Variants in CLUH observed in about 807,000 individuals in gnomAD.
The protein encoded by CLUH is clustered mitochondria protein homolog.
Under a neutral mutation model 139.3 loss-of-function variants are expected in CLUH, and 77 were observed. That is an observed-to-expected ratio of 0.55 (90% confidence interval 0.46 to 0.67). CLUH has a LOEUF of 0.67. CLUH is among the 30% of genes least tolerant of loss of function. The probability of loss-of-function intolerance (pLI) is 0.00; values close to 1 mark genes in which losing one functional copy is unlikely to be tolerated. For missense variants in CLUH, 1,876 were observed against 1,875.8 expected (o/e 1.00, Z 0.00); for synonymous variants, 999 against 801.6 (o/e 1.25, Z -4.16).
chr17:2,691,542 C>A, intron 25 of CLUH, 67 bp downstream of exon 25: 1 of 1,503,434 alleles, frequency 6.7e-7, no homozygotes, highest in Non-Finnish European at 9.1e-7. Flanking sequence ...GCCCGGGTGA[C>A]AGGGCGAGAC....
At position 2,703,365 on chromosome 17, in the gene CLUH, C is replaced by A. The variant is rs550332953; in HGVS notation, c.428G>T (p.Arg143Leu). 1.2e-6 allele frequency: 2 copies of A among 1,613,172 alleles called. No individual in the cohort carries two copies. The highest frequency in any genetic ancestry group is 2.7e-5 in the African/African-American group (2 of 75,038). ...GNVLDHFSEL[R>L]SVEGLQEGSV... ...GCCCTCCTGCAGCCCCTCGACGCTG[C>A]GCAGCTCCGAGAAGTGGTCCAGCAC... The change falls in exon 3 of 26, where the codon CGC (arginine) becomes CTC (leucine). Residue 143 changes from arginine (R) to leucine (L), a missense_variant. Coordinates refer to ENST00000651024, the MANE Select transcript of CLUH (RefSeq NM_001366661.1). The surrounding 1 kb of genome is among the most constrained non-coding windows in gnomAD (Gnocchi z 4.2).
At chr17:2,695,333 T>C (rs1003398) in intron 14 of CLUH, 41 bp downstream of exon 14, 1,607,891 of 1,613,484 alleles carry the variant, frequency 1, 801,324 homozygotes, top group East Asian at 1. Context: ...TCCATCCCAG[T>C]CCCACAGCTC....
At chr17:2,697,061 G>A (rs554052447) in intron 10 of CLUH, 119 bp from the exon 11 acceptor site, 73 of 750,540 alleles carry the variant, frequency 9.7e-5, no homozygotes, top group South Asian at 1.3e-4. Flanking sequence ...CCTCCTGGCC[G>A]GTGTGCATGA....
rs752429645 is a variant in CLUH, at chr17:2,696,523, C to G, written c.2201G>C (p.Arg734Pro). 8.3e-6 allele frequency: 13 copies of G among 1,575,182 alleles called. No individual in the cohort carries two copies. Among genetic ancestry groups the G allele is most frequent in the East Asian group, 2.3e-5 (1 of 42,668 alleles). The change falls in exon 12 of 26, where the codon CGG becomes CCG. Residue 734 changes from arginine to proline, a missense_variant. Coordinates refer to ENST00000651024, the MANE Select transcript of CLUH (RefSeq NM_001366661.1). ...CTTGCACGCGTTGCGGATCACCTCC[C>G]GGCTCCGAGGGTCTGCTGTGGAGAC... Reference protein sequence around the residue: ...ADDGTADPRSREVIRNACKAV... With the variant: ...ADDGTADPRSPEVIRNACKAV...
Position 2,700,390 on chromosome 17 carries a change from T to C in CLUH, c.1258A>G (p.Ile420Val), listed in dbSNP as rs776547933. The C allele has an allele frequency of 6.8e-6, 11 of 1,612,678 alleles. No individual in the cohort carries two copies. The highest frequency in any genetic ancestry group is 1.3e-5 in the African/African-American group (1 of 74,872). ...LPERLLRERA[I>V]FKVHSDFTAA... ...GCAGAGGCTGCAGGCACCTTGAATA[T>C]GGCCCTTTCTCGGAGCAGCCGCTCA... The change falls in exon 9 of 26, where the codon ATA becomes GTA. Residue 420 changes from isoleucine to valine, a missense_variant. Physicochemically the swap from Ile to Val is conservative, Grantham distance 29. Transcript: ENST00000651024.
At chr17:2,695,905 C>G (rs1376937450) in intron 13 of CLUH, 1 of 585,520 alleles carries the variant, frequency 1.7e-6, no homozygotes, top group African/African-American at 1.9e-5. Context: ...CTGGCCCCGT[C>G]CCCCAGCCAT....
rs1555529513 is a variant in CLUH, at chr17:2,691,980, C to A, written c.3654+24G>T. 6.1e-6 allele frequency: 4 copies of A among 657,436 alleles called. 1 individual carries two copies. Among genetic ancestry groups the A allele is most frequent in the South Asian group, 6.3e-5 (2 of 31,640 alleles). 40.7% of individuals were successfully genotyped at this position (657,436 alleles called of 1,614,324 possible). A position where few individuals can be genotyped will look rare whatever the true frequency, so the allele number is the denominator to read the frequency against. On this transcript the variant is annotated intron_variant, in intron 23 of 25. Transcript: ENST00000651024. The stretch of plus-strand genomic sequence containing the variant: ...CGCCACGCCCCCGCCCCGCCCCCGC[C>A]CCCGCCACGCCCCCGCCGCGCACCT...
At chr17:2,697,851 C>T (rs1345499699) in intron 10 of CLUH, 45 bp downstream of exon 10, 2 of 1,440,048 alleles carry the variant, frequency 1.4e-6, no homozygotes. Flanking sequence ...CGCCCGCACT[C>T]CCTGCAGCTG....
rs886896233 is a variant in CLUH, at chr17:2,698,153, G to A, written c.1704C>T (p.Ile568=). 1.3e-6 allele frequency: 2 copies of A among 1,580,212 alleles called. No individual in the cohort carries two copies. The highest frequency in any genetic ancestry group is 1.7e-6 in the Non-Finnish European group (2 of 1,164,288). Reference sequence around the variant, plus strand: ...GGTCGTTGAGCACCTGGTGCCGCAGGATCTTGAGGGGCCGACTCGTGCGCT... The same window carrying A: ...GGTCGTTGAGCACCTGGTGCCGCAGAATCTTGAGGGGCCGACTCGTGCGCT... The part of the protein sequence containing the change: ...LLERTSRPLK[I]LRHQVLNDRD... The change falls in exon 10 of 26, where the codon ATC becomes ATT. Residue 568 remains isoleucine (I), a synonymous_variant. Coordinates refer to ENST00000651024, the MANE Select transcript of CLUH (RefSeq NM_001366661.1).
rs772118078 is a variant in CLUH at position 2,692,554 on chromosome 17, C to G, written c.3438+17G>C. 34 of 1,606,040 alleles carry G rather than the reference C, an allele frequency of 2.1e-5. No individual in the cohort carries two copies. The East Asian group carries it at 5.4e-4, about 25-fold the overall frequency. On this transcript the variant is annotated intron_variant, in intron 21 of 25. Transcript: ENST00000651024. ...GATGGAGCTGGGTCCCTGCCGCCCC[C>G]CCGCCCCAGCACTCACGTCCAGCAG...
chr17:2,710,023 A>T (rs77830765), intron 1 of CLUH, among the ~76,000 whole-genome samples: 1 of 149,202 alleles, frequency 6.7e-6, no homozygotes, highest in East Asian at 2.0e-4. Context: ...ATCCTCCAAC[A>T]GACGCTCGTC....
At position 2,700,978 on chromosome 17, in the gene CLUH, G is replaced by A. The variant is rs535723926; in HGVS notation, c.1026-153C>T. On this transcript the variant is annotated intron_variant, in intron 7 of 25. Transcript: ENST00000651024. Reference sequence around the variant, plus strand: ...GGAAGTGCACGGGCGCCTCTCCTGCGGCTGCTGTCTCGGCACTGGCCGACA... The same window carrying A: ...GGAAGTGCACGGGCGCCTCTCCTGCAGCTGCTGTCTCGGCACTGGCCGACA... 439 of 1,435,120 alleles carry A rather than the reference G, an allele frequency of 3.1e-4. 6 individuals are homozygous for A. In the South Asian group the frequency reaches 4.9e-3, roughly 16 times the overall value. The allele number at this position is 1,435,120 out of a possible 1,614,324, so 88.9% of individuals were successfully genotyped here. A position where few individuals can be genotyped will look rare whatever the true frequency, so the allele number is the denominator to read the frequency against.
chr17:2,700,094 TCA>T lies in CLUH; in HGVS notation c.1266+286_1266+287del, dbSNP rs199637789. Among the ~76,000 whole-genome samples, 56 of 152,346 alleles carry T rather than the reference TCA, an allele frequency of 3.7e-4. No homozygotes were observed. The East Asian group carries it at 9.8e-3, about 27-fold the overall frequency. On this transcript the variant is annotated intron_variant, in intron 9 of 25. Coordinates refer to ENST00000651024, the MANE Select transcript of CLUH (RefSeq NM_001366661.1). ...CGCCCAGGCAAAAGCCCCGCAGCAG[TCA>T]CAGAGGGCGGGAAGCTGCACGGCCC...
Position 2,701,397 on chromosome 17 carries a change from T to C in CLUH, c.868A>G (p.Thr290Ala). 6.2e-7 allele frequency: 1 copy of C among 1,610,332 alleles called. No individual in the cohort carries two copies. The highest frequency in any genetic ancestry group is 8.5e-7 in the Non-Finnish European group (1 of 1,178,550). Reference sequence around the variant, plus strand: ...AGGTAAAAGCCCCGTGTGGACGCGGTGATGCTGACTTGCCGGTCCTCGGCT... The same window carrying C: ...AGGTAAAAGCCCCGTGTGGACGCGGCGATGCTGACTTGCCGGTCCTCGGCT... The part of the protein sequence containing the change: ...ITAEDRQVSI[T>A]ASTRGFYLNQ... Residue 290 changes from threonine to alanine, a missense_variant, in exon 6 of 26, where the codon ACC becomes GCC. Transcript: ENST00000651024.
chr17:2,707,309 A>G lies in CLUH; in HGVS notation c.101-2745T>C, dbSNP rs1025825348. ...CAGCCTCTGCCGCTACCCTTGCCCT[A>G]ATGCAGCCAGTCGGCCCGGGGCTGG... On this transcript the variant is annotated intron_variant, in intron 1 of 25. Coordinates refer to ENST00000651024, the MANE Select transcript of CLUH (RefSeq NM_001366661.1). This position sits in a 1 kb window ranked among gnomAD's most constrained non-coding sequence, Gnocchi z 7.4. The G allele has an allele frequency of 7.1e-6, 7 of 985,296 alleles. No homozygotes were observed. The highest frequency in any genetic ancestry group is 7.2e-6 in the Non-Finnish European group (6 of 829,868). 61.0% of individuals were successfully genotyped at this position (985,296 alleles called of 1,614,324 possible). A position where few individuals can be genotyped will look rare whatever the true frequency, so the allele number is the denominator to read the frequency against.
rs1213289519 is a variant in CLUH, at chr17:2,692,873, A to AGTG, written c.3232-16_3232-14dup. On this transcript the variant is annotated splice_polypyrimidine_tract_variant and intron_variant, in intron 19 of 25. Transcript: ENST00000651024. The stretch of plus-strand genomic sequence containing the variant: ...GGTTACTCAGGGCCTGGGGAGAGAC[A>AGTG]GTGGTGGTTGCCGCGGCGTGGGAAC... 2.4e-5 allele frequency: 38 copies of AGTG among 1,571,412 alleles called. No homozygotes were observed. Among genetic ancestry groups the AGTG allele is most frequent in the Non-Finnish European group, 3.2e-5 (37 of 1,156,350 alleles).
chr17:2,696,138 G>A (rs2151702574), intron 13 of CLUH, 21 bp downstream of exon 13: 2 of 1,509,634 alleles, frequency 1.3e-6, no homozygotes, highest in East Asian at 4.9e-5. Flanking sequence ...GCCCCACCCA[G>A]CCCCGCAGCC....
Position 2,691,997 on chromosome 17 carries a change from C to A in CLUH, c.3654+7G>T. Reference sequence around the variant, plus strand: ...GCCCCCGCCCCCGCCACGCCCCCGCCGCGCACCTGCGTCTTGTAGATGGTG... The same window carrying A: ...GCCCCCGCCCCCGCCACGCCCCCGCAGCGCACCTGCGTCTTGTAGATGGTG... On this transcript the variant is annotated splice_region_variant and intron_variant, in intron 23 of 25. Coordinates refer to ENST00000651024, the MANE Select transcript of CLUH (RefSeq NM_001366661.1). The A allele has an allele frequency of 1.5e-6, 2 of 1,329,174 alleles. No homozygotes were observed. The highest frequency in any genetic ancestry group is 2.0e-6 in the Non-Finnish European group (2 of 1,007,914). 82.3% of individuals were successfully genotyped at this position (1,329,174 alleles called of 1,614,324 possible).
In CLUH at chr17:2,701,539, C is replaced by T. The variant is rs780060131; in HGVS notation, c.745-19G>A. On this transcript the variant is annotated intron_variant, in intron 5 of 25. Coordinates refer to ENST00000651024, the MANE Select transcript of CLUH (RefSeq NM_001366661.1). ...GCAAGGGCTTCGGGAGCGGCCGAGT[C>T]TGAGGGGCCAGGCCTCTGGTGTGGG... is the stretch of plus-strand genomic sequence containing the variant. 15 of 1,613,432 alleles carry T rather than the reference C, an allele frequency of 9.3e-6. No individual in the cohort carries two copies. The highest frequency in any genetic ancestry group is 5.0e-5 in the Admixed American group (3 of 59,976).
Sources: allele counts gnomAD v4.1 joint callset (sites outside exome capture counted in the v4.1 genomes callset), GRCh38; gene constraint gnomAD v4.1.1; non-coding constraint Gnocchi (gnomAD v3.1); transcripts MANE v1.5; gene names NCBI Gene and HGNC (gene_info 2026-07-23, HGNC 2026-07-21).